Variants in OSBPL8 observed in about 807,000 individuals in gnomAD.
OSBPL8 encodes the protein oxysterol binding protein like 8, also known as oxysterol-binding protein-related protein 8.
A neutral mutation model predicts 125.5 loss-of-function variants in OSBPL8; 59 were observed. The ratio of observed to expected loss-of-function variants is 0.47; its 90% confidence interval spans 0.38 to 0.58. OSBPL8 has a LOEUF of 0.58. Among genes scored for constraint, OSBPL8 ranks in the 20% least tolerant of loss-of-function variants. The pLI is 0.00. For synonymous variants in OSBPL8, 330 were observed against 338.9 expected, an observed-to-expected ratio of 0.97 and a Z score of 0.29; for missense variants, 758 against 1,047.8, an observed-to-expected ratio of 0.72 and a Z score of 3.82.
intron 19 of OSBPL8, 116 bp downstream of exon 19, chr12:76,371,332 T>C: frequency 1.8e-6 from 2 of 1,139,570 alleles, no homozygotes; most frequent in Non-Finnish European, 2.4e-6. Flanking sequence ...CCACAAATGA[T>C]AAACTATTTT....
At chr12:76,381,161 T>G (rs1953032534) in intron 15 of OSBPL8, among the ~76,000 whole-genome samples, 1 of 152,166 alleles carries the variant, frequency 6.6e-6, no homozygotes, top group African/African-American at 2.4e-5. Context: ...TTGTTACTAC[T>G]TAAGAATTTT....
intron 1 of OSBPL8, among the ~76,000 whole-genome samples, chr12:76,550,251 A>G (rs1214762763): frequency 6.6e-6 from 1 of 152,096 alleles, no homozygotes; most frequent in African/African-American, 2.4e-5. Flanking sequence ...TTTTAATTTG[A>G]TGGTCAGAAT....
intron 4 of OSBPL8, among the ~76,000 whole-genome samples, chr12:76,433,569 A>G (rs1871102017): frequency 6.6e-6 from 1 of 152,222 alleles, no homozygotes; most frequent in Non-Finnish European, 1.5e-5. Flanking sequence ...ATGGAAAGAC[A>G]TCCCATTTTT....
chr12:76,386,073 C>A, intron 14 of OSBPL8, 95 bp downstream of exon 14: 2 of 1,484,762 alleles, frequency 1.3e-6, no homozygotes, highest in Non-Finnish European at 1.8e-6. Context: ...ATAAGAAAGG[C>A]TAAATAATAT....
intron 1 of OSBPL8, among the ~76,000 whole-genome samples, chr12:76,522,544 T>C (rs1950049829): frequency 6.6e-6 from 1 of 152,146 alleles, no homozygotes; most frequent in South Asian, 2.1e-4. Flanking sequence ...CAGTTCCCAG[T>C]AAAGTGGGTT....
intron 1 of OSBPL8, among the ~76,000 whole-genome samples, chr12:76,496,173 T>C (rs1269019822): frequency 6.6e-6 from 1 of 151,912 alleles, no homozygotes; most frequent in East Asian, 1.9e-4. Flanking sequence ...TGTAGTATTT[T>C]TTTTTTTGAA....
chr12:76,394,579 A>T (rs1953713295), intron 9 of OSBPL8, 66 bp downstream of exon 9: 1 of 1,101,696 alleles, frequency 9.1e-7, no homozygotes, highest in East Asian at 2.4e-5. Context: ...AGAATAATAC[A>T]AAGTGGCATT....
intron 1 of OSBPL8, 45 bp from the exon 2 acceptor site, chr12:76,487,663 G>A: frequency 4.3e-6 from 3 of 695,442 alleles, no homozygotes; most frequent in South Asian, 4.4e-5. Context: ...ATAAAACTGT[G>A]ACAAGTAGAA....
At chr12:76,368,917 GGGAT>G (rs1952516212) in intron 21 of OSBPL8, among the ~76,000 whole-genome samples, 2 of 152,100 alleles carry the variant, frequency 1.3e-5, no homozygotes, top group South Asian at 4.1e-4. Flanking sequence ...CTACTGCACT[GGGAT>G]GGACCTGGGG....
chr12:76,453,812 G>T (rs1217843835), intron 3 of OSBPL8, among the ~76,000 whole-genome samples: 10 of 151,732 alleles, frequency 6.6e-5, no homozygotes, highest in Admixed American at 6.6e-4. Flanking sequence ...ACAAAAGGTT[G>T]GTACCTAGAA....
chr12:76,378,495 T>C lies in OSBPL8; in HGVS notation c.1686A>G (p.Arg562=). ...GCATTGTCATTACATAATCTTCACC[T>C]CTATTCAAGAAAGTTAACCGTGCTT... ...EGEARLTFLN[R]GEDYVMTMPY... The change falls in exon 16 of 24, where the codon AGA becomes AGG. Residue 562 remains arginine (R), a synonymous_variant. Transcript: ENST00000261183. The C allele has an allele frequency of 6.2e-7, 1 of 1,604,996 alleles. No homozygotes were observed. The highest frequency in any genetic ancestry group is 1.1e-5 in the South Asian group (1 of 90,524).
At chr12:76,508,704 T>A (rs951203730) in intron 1 of OSBPL8, among the ~76,000 whole-genome samples, 1 of 152,214 alleles carries the variant, frequency 6.6e-6, no homozygotes, top group Non-Finnish European at 1.5e-5. Context: ...GTTTATTATA[T>A]GCTAATTATA....
intron 21 of OSBPL8, among the ~76,000 whole-genome samples, chr12:76,367,140 T>A (rs7309458): frequency 0.79 from 120,522 of 152,112 alleles, 47,994 homozygotes; most frequent in East Asian, 0.92. Context: ...TTAAAAGTAG[T>A]TTACTGAATT....
intron 4 of OSBPL8, among the ~76,000 whole-genome samples, chr12:76,443,802 C>G (rs1872467458): frequency 6.6e-6 from 1 of 152,108 alleles, no homozygotes; most frequent in South Asian, 2.1e-4. Context: ...ACACTGCACC[C>G]GGCCCTTACA....
At chr12:76,407,069 ATTGT>A (rs1954292181) in intron 5 of OSBPL8, among the ~76,000 whole-genome samples, 1 of 152,206 alleles carries the variant, frequency 6.6e-6, no homozygotes, top group East Asian at 1.9e-4. Flanking sequence ...AAAAGTTAAA[ATTGT>A]TTGATGTCCT....
chr12:76,497,799 C>G (rs1027995240), intron 1 of OSBPL8, among the ~76,000 whole-genome samples: 1 of 152,106 alleles, frequency 6.6e-6, no homozygotes, highest in African/African-American at 2.4e-5. Flanking sequence ...TCTTTTGATT[C>G]TCTAATAACA....
intron 5 of OSBPL8, among the ~76,000 whole-genome samples, chr12:76,407,792 T>C (rs1249236799): frequency 6.6e-6 from 1 of 152,152 alleles, no homozygotes; most frequent in Non-Finnish European, 1.5e-5. Context: ...CTTTGTCAGG[T>C]ACTTTCTGCA....
Position 76,371,594 on chromosome 12 carries a change from A to C in OSBPL8, c.1918-10T>G. ...TAAAAACTTCACTATCCTATATTTA[A>C]AAAAATTCAAAATTAATGTAAAGAA... On this transcript the variant is annotated splice_polypyrimidine_tract_variant and intron_variant, in intron 18 of 23. Coordinates refer to ENST00000261183, the MANE Select transcript of OSBPL8 (RefSeq NM_020841.5). The C allele has an allele frequency of 6.5e-7, 1 of 1,543,334 alleles. No homozygotes were observed. Among genetic ancestry groups the C allele is most frequent in the Non-Finnish European group, 8.7e-7 (1 of 1,145,700 alleles).
At chr12:76,406,530 CTTTG>C (rs1310814297) in intron 5 of OSBPL8, among the ~76,000 whole-genome samples, 4 of 152,150 alleles carry the variant, frequency 2.6e-5, no homozygotes, top group Non-Finnish European at 4.4e-5. Flanking sequence ...TAAAATGCTA[CTTTG>C]TTTGGGATAA....
Sources: gnomAD v4.1 joint callset for allele counts (sites outside exome capture counted in the v4.1 genomes callset) on GRCh38, gnomAD v4.1.1 for gene constraint, MANE v1.5 for transcripts, NCBI Gene and HGNC (gene_info 2026-07-23, HGNC 2026-07-21) for gene names.